SETD5: variants seen among roughly 807,000 people sequenced by gnomAD.
The protein encoded by SETD5 is SET domain containing 5.
In SETD5, 44 loss-of-function variants were observed where a neutral mutation model predicts 153.3. The observed-to-expected ratio is 0.29, with a 90% CI of 0.23 to 0.37. The LOEUF is 0.37. Ranked by LOEUF, SETD5 falls within the 10% of genes least tolerant of loss-of-function variation. The pLI, the probability that SETD5 is intolerant of heterozygous loss-of-function variation, is 1.00. For missense variants in SETD5, 1,544 were observed against 1,768.0 expected, an observed-to-expected ratio of 0.87 and a Z score of 2.27; for synonymous variants, 716 against 645.2, an observed-to-expected ratio of 1.11 and a Z score of -1.66.
chr3:9,448,092 C>T, intron 15 of SETD5, 86 bp downstream of exon 15: 3 of 1,360,386 alleles, frequency 2.2e-6, no homozygotes, highest in Admixed American at 2.6e-5. Flanking sequence ...CTAGAAGAAA[C>T]TAATCTCAAT....
chr3:9,429,732 T>C, intron 3 of SETD5: 1 of 775,596 alleles, frequency 1.3e-6, no homozygotes, highest in Non-Finnish European at 1.8e-6. Flanking sequence ...GTCTTTTGTA[T>C]CCCTTCTCTT....
intron 3 of SETD5, chr3:9,431,101 A>G (rs2039910531): frequency 2.0e-6 from 2 of 985,320 alleles, no homozygotes; most frequent in Non-Finnish European, 2.4e-6. Flanking sequence ...ACTCAACTAG[A>G]TGTAGACTTC....
At chr3:9,407,063 C>T (rs558392954) in intron 1 of SETD5, among the ~76,000 whole-genome samples, 61 of 152,348 alleles carry the variant, frequency 4.0e-4, no homozygotes, top group African/African-American at 1.4e-3. Context: ...CGTGGCGGCT[C>T]ACACTTGTAA....
chr3:9,472,103 A>G (rs1334916709), intron 19 of SETD5, among the ~76,000 whole-genome samples: 4 of 152,238 alleles, frequency 2.6e-5, no homozygotes, highest in Admixed American at 6.5e-5. Context: ...ACTACCAGAA[A>G]CAAACATGAA....
At chr3:9,455,160 CT>C (rs1022132998) in intron 17 of SETD5, among the ~76,000 whole-genome samples, 59 of 115,444 alleles carry the variant, frequency 5.1e-4, no homozygotes, top group South Asian at 2.8e-4. Flanking sequence ...GCCTTTTTTT[CT>C]TTTTTTCTTT....
chr3:9,429,883 A>T, intron 3 of SETD5: 1 of 1,303,966 alleles, frequency 7.7e-7, no homozygotes, highest in Non-Finnish European at 1.0e-6. Flanking sequence ...CCAGGATGTG[A>T]AAGTCCAGCG....
intron 3 of SETD5, 84 bp from the exon 4 acceptor site, chr3:9,433,761 A>C (rs1227970502): frequency 7.4e-7 from 1 of 1,347,274 alleles, no homozygotes; most frequent in East Asian, 2.3e-5. Flanking sequence ...TGGAAAGAGG[A>C]GGGGTTAGAA....
At chr3:9,464,801 A>G (rs2044366825) in intron 18 of SETD5, 129 bp downstream of exon 18, 2 of 1,473,436 alleles carry the variant, frequency 1.4e-6, no homozygotes, top group African/African-American at 2.8e-5. Flanking sequence ...AGAGAATGGG[A>G]AACCTCAGGG....
Position 9,445,132 on chromosome 3 carries a change from ACTC to A in SETD5, c.1275_1277del (p.Leu426del). On this transcript the variant is annotated inframe_deletion, in exon 12 of 23. Coordinates refer to ENST00000402198, the MANE Select transcript of SETD5 (RefSeq NM_001080517.3). Reference sequence around the variant, plus strand: ...GGAATCCTAATGCTACAGAACTGCCACTCCTACCACCTCCTCCAAGCCTACCCA... The same window carrying A: ...GGAATCCTAATGCTACAGAACTGCCACTACCACCTCCTCCAAGCCTACCCA... The A allele has an allele frequency of 6.2e-7, 1 of 1,613,938 alleles. No homozygotes were observed. The highest frequency in any genetic ancestry group is 8.5e-7 in the Non-Finnish European group (1 of 1,179,878).
chr3:9,434,488 A>G lies in SETD5; in HGVS notation c.329+3A>G. 1.2e-6 allele frequency: 2 copies of G among 1,613,940 alleles called. No homozygotes were observed. The highest frequency in any genetic ancestry group is 1.7e-6 in the Non-Finnish European group (2 of 1,179,856). ...CTTCTCAACTGTGACAAGTGCAGGT[A>G]AGATCCTGTTCCATCTAAATTTAAG... On this transcript the variant is annotated splice_donor_region_variant and intron_variant, in intron 5 of 22. Transcript: ENST00000402198. The surrounding 1 kb of genome is among the most constrained non-coding windows in gnomAD (Gnocchi z 5.6).
Position 9,445,642 on chromosome 3 carries a change from G to A in SETD5, c.1441-15G>A, listed in dbSNP as rs775900044. 1.9e-6 allele frequency: 3 copies of A among 1,605,258 alleles called. No individual in the cohort carries two copies. In the South Asian group the frequency reaches 3.3e-5, roughly 18 times the overall value. The stretch of plus-strand genomic sequence containing the variant: ...CAGAGCTTGAGTACAGCTGAATATT[G>A]CCTCTATCTTAAAGGAAGTAGACAA... On this transcript the variant is annotated splice_polypyrimidine_tract_variant and intron_variant, in intron 12 of 22. Transcript: ENST00000402198.
rs570304525 is a variant in SETD5 at position 9,434,144 on chromosome 3, G to C, written c.178-190G>C. Reference sequence around the variant, plus strand: ...ATGTCCCAGTTGACCTTGGCATTTTGTTTTATCACTTTCCTGGTTGAAGCC... The same window carrying C: ...ATGTCCCAGTTGACCTTGGCATTTTCTTTTATCACTTTCCTGGTTGAAGCC... On this transcript the variant is annotated intron_variant, in intron 4 of 22. Coordinates refer to ENST00000402198, the MANE Select transcript of SETD5 (RefSeq NM_001080517.3). The surrounding 1 kb of genome is among the most constrained non-coding windows in gnomAD (Gnocchi z 5.6). 1.3e-6 allele frequency: 2 copies of C among 1,548,350 alleles called. No homozygotes were observed. Among genetic ancestry groups the C allele is most frequent in the Non-Finnish European group, 1.7e-6 (2 of 1,147,670 alleles).
rs1264132934 is a variant in SETD5, at chr3:9,464,507, A to G, written c.2559A>G (p.Pro853=). The G allele has an allele frequency of 8.7e-6, 14 of 1,614,056 alleles. No homozygotes were observed. The highest frequency in any genetic ancestry group is 1.2e-5 in the Non-Finnish European group (14 of 1,179,890). The change falls in exon 18 of 23, where the codon CCA becomes CCG. Residue 853 remains proline (P), a synonymous_variant. Transcript: ENST00000402198. ...NVTKLLRPLS[P]VTPPPPNSGS... The stretch of plus-strand genomic sequence containing the variant: ...CCAAGTTACTTCGGCCTCTGTCTCC[A>G]GTCACACCACCCCCTCCCAATTCAG...
At chr3:9,453,085 G>T (rs1424309360) in intron 16 of SETD5, among the ~76,000 whole-genome samples, 1 of 152,028 alleles carries the variant, frequency 6.6e-6, no homozygotes, top group Admixed American at 6.6e-5. Flanking sequence ...GTGACTGATA[G>T]GTCTTCTTTT....
intron 1 of SETD5, among the ~76,000 whole-genome samples, chr3:9,413,668 G>A (rs1425735270): frequency 6.6e-6 from 1 of 151,672 alleles, no homozygotes; most frequent in Non-Finnish European, 1.5e-5. Context: ...GTGTGTGTGT[G>A]TGTGTGTGTG....
At chr3:9,402,464 G>A (rs949627763) in intron 1 of SETD5, among the ~76,000 whole-genome samples, 15 of 152,156 alleles carry the variant, frequency 9.9e-5, no homozygotes, top group Admixed American at 9.2e-4. Flanking sequence ...GTCACATTAA[G>A]TATGTTTGAT....
chr3:9,426,593 A>C (rs1347509548), intron 2 of SETD5, among the ~76,000 whole-genome samples: 1 of 152,210 alleles, frequency 6.6e-6, no homozygotes, highest in East Asian at 1.9e-4. Context: ...GGGTTTCACC[A>C]CATTGGCCAG....
Position 9,477,067 on chromosome 3 carries a change from C to G in SETD5, c.*976C>G, listed in dbSNP as rs1307207715. Reference sequence around the variant, plus strand: ...ATTGGGGAGCATGCACTTGTGACTGCAGGGTAAGAGTGGGAAGATAGGTTT... The same window carrying G: ...ATTGGGGAGCATGCACTTGTGACTGGAGGGTAAGAGTGGGAAGATAGGTTT... On this transcript the variant is annotated 3_prime_UTR_variant, in exon 23 of 23. Coordinates refer to ENST00000402198, the MANE Select transcript of SETD5 (RefSeq NM_001080517.3). 6.6e-6 allele frequency: 1 copy of G among 152,612 alleles called. No individual in the cohort carries two copies. Among genetic ancestry groups the G allele is most frequent in the Non-Finnish European group, 1.5e-5 (1 of 68,052 alleles). The allele number at this position is 152,612 out of a possible 1,614,324, so 9.5% of individuals were successfully genotyped here.
intron 8 of SETD5, 136 bp from the exon 9 acceptor site, chr3:9,441,457 T>C: frequency 1.3e-6 from 1 of 760,714 alleles, no homozygotes; most frequent in Non-Finnish European, 2.0e-6. Flanking sequence ...TTTTAAAATT[T>C]CTCATCATTG....
Sources: allele counts gnomAD v4.1 joint callset (sites outside exome capture counted in the v4.1 genomes callset), GRCh38; gene constraint gnomAD v4.1.1; non-coding constraint Gnocchi (gnomAD v3.1); transcripts MANE v1.5; gene names NCBI Gene and HGNC (gene_info 2026-07-23, HGNC 2026-07-21).